OSBPL8: variants seen among roughly 807,000 people sequenced by gnomAD.
OSBPL8 encodes oxysterol-binding protein-related protein 8.
In OSBPL8, 59 loss-of-function variants were observed where a neutral mutation model predicts 125.5. The observed-to-expected ratio is 0.47, with a 90% CI of 0.38 to 0.58. The LOEUF is 0.58. Ranked by LOEUF, OSBPL8 falls within the 20% of genes least tolerant of loss-of-function variation. The pLI, the probability that OSBPL8 is intolerant of heterozygous loss-of-function variation, is 0.00. For synonymous variants in OSBPL8, 330 were observed against 338.9 expected (o/e 0.97, Z 0.29); for missense variants, 758 against 1,047.8 (o/e 0.72, Z 3.82).
At chr12:76,517,171 C>T (rs1177855054) in intron 1 of OSBPL8, among the ~76,000 whole-genome samples, 2 of 152,114 alleles carry the variant, frequency 1.3e-5, no homozygotes, top group Non-Finnish European at 1.5e-5. Flanking sequence ...TGTGATGACA[C>T]ACCAAACTCC....
chr12:76,489,428 G>A (rs1168704274), intron 1 of OSBPL8, among the ~76,000 whole-genome samples: 1 of 152,204 alleles, frequency 6.6e-6, no homozygotes, highest in Non-Finnish European at 1.5e-5. Flanking sequence ...AGGGGCTAAT[G>A]CAGCTGGTGG....
intron 2 of OSBPL8, among the ~76,000 whole-genome samples, chr12:76,480,223 T>C (rs1877326829): frequency 1.3e-5 from 2 of 150,106 alleles, no homozygotes; most frequent in African/African-American, 4.9e-5. Flanking sequence ...GTGTAGGCAC[T>C]GAATAATTAT....
rs1349024061 is a variant in OSBPL8, at chr12:76,353,564, A to G, written c.*2325T>C. Reference sequence around the variant, plus strand: ...AAGGAAGATTAATTTCAGGTAAATAACATTCAAAGTCAATTACATATATGG... The same window carrying G: ...AAGGAAGATTAATTTCAGGTAAATAGCATTCAAAGTCAATTACATATATGG... On this transcript the variant is annotated 3_prime_UTR_variant, in exon 24 of 24. Transcript: ENST00000261183. 6.6e-6 allele frequency: 1 copy of G among 152,360 alleles called. No individual in the cohort carries two copies. The highest frequency in any genetic ancestry group is 6.6e-5 in the Admixed American group (1 of 15,262). 9.4% of individuals were successfully genotyped at this position (152,360 alleles called of 1,614,324 possible).
At chr12:76,401,156 C>G (rs1916730) in intron 6 of OSBPL8, among the ~76,000 whole-genome samples, 33,342 of 151,966 alleles carry the variant, frequency 0.22, 3,892 homozygotes, top group Non-Finnish European at 0.27. Context: ...AAAGCTAGAA[C>G]CCATTTTTAT....
At chr12:76,431,409 C>A (rs1870807531) in intron 4 of OSBPL8, among the ~76,000 whole-genome samples, 1 of 151,624 alleles carries the variant, frequency 6.6e-6, no homozygotes, top group Admixed American at 6.6e-5. Context: ...AGAATAAGTT[C>A]TTACTTATCA....
intron 4 of OSBPL8, chr12:76,422,884 A>G: frequency 4.6e-6 from 1 of 216,530 alleles, no homozygotes; most frequent in Admixed American, 4.9e-5. Context: ...TTTTAAAAAA[A>G]GGAACTGATA....
intron 1 of OSBPL8, among the ~76,000 whole-genome samples, chr12:76,540,190 C>T (rs901875533): frequency 2.6e-5 from 4 of 152,106 alleles, no homozygotes; most frequent in African/African-American, 9.7e-5. Context: ...CATTCCTTAA[C>T]AGCATTCTAG....
chr12:76,457,636 GATT>G (rs1208302470), intron 3 of OSBPL8, among the ~76,000 whole-genome samples: 1 of 152,092 alleles, frequency 6.6e-6, no homozygotes, highest in Non-Finnish European at 1.5e-5. Flanking sequence ...TCTAACAAAT[GATT>G]ATACAGACCC....
intron 2 of OSBPL8, among the ~76,000 whole-genome samples, chr12:76,467,659 G>T (rs1479938441): frequency 6.6e-6 from 1 of 151,612 alleles, no homozygotes; most frequent in Non-Finnish European, 1.5e-5. Flanking sequence ...TTCACATTCA[G>T]TCTTTTTTTT....
At chr12:76,453,374 G>T (rs1873649064) in intron 3 of OSBPL8, among the ~76,000 whole-genome samples, 1 of 152,132 alleles carries the variant, frequency 6.6e-6, no homozygotes, top group African/African-American at 2.4e-5. Context: ...AATTTTAAAT[G>T]TATGGTACTG....
intron 12 of OSBPL8, among the ~76,000 whole-genome samples, chr12:76,387,623 T>G (rs888643090): frequency 6.6e-6 from 1 of 152,192 alleles, no homozygotes; most frequent in East Asian, 1.9e-4. Context: ...GTAGCTACTA[T>G]GCCCTTATTT....
At chr12:76,472,925 C>A (rs1165453271) in intron 2 of OSBPL8, among the ~76,000 whole-genome samples, 1 of 151,996 alleles carries the variant, frequency 6.6e-6, no homozygotes, top group Non-Finnish European at 1.5e-5. Flanking sequence ...TCTCTAAACT[C>A]CCCCGGGGAA....
At chr12:76,469,892 TAAAGACAAGA>T (rs1875924968) in intron 2 of OSBPL8, among the ~76,000 whole-genome samples, 2 of 150,768 alleles carry the variant, frequency 1.3e-5, no homozygotes, top group Non-Finnish European at 3.0e-5. Context: ...ACTGAATGAA[TAAAGACAAGA>T]AAAGAAAAAA....
At chr12:76,413,585 C>G (rs770195446) in intron 4 of OSBPL8, among the ~76,000 whole-genome samples, 2 of 152,162 alleles carry the variant, frequency 1.3e-5, no homozygotes, top group African/African-American at 4.8e-5. Flanking sequence ...TGCAAAAGTT[C>G]TCTTTTCTCC....
At chr12:76,533,196 T>C (rs1950397157) in intron 1 of OSBPL8, among the ~76,000 whole-genome samples, 1 of 152,238 alleles carries the variant, frequency 6.6e-6, no homozygotes, top group African/African-American at 2.4e-5. Flanking sequence ...TATTCATTTA[T>C]GTGTTTCTTG....
At chr12:76,363,889 C>G (rs567017982) in intron 21 of OSBPL8, among the ~76,000 whole-genome samples, 2 of 152,228 alleles carry the variant, frequency 1.3e-5, no homozygotes, top group South Asian at 4.2e-4. Context: ...ATGCAGCCAA[C>G]AAACACATGA....
intron 4 of OSBPL8, among the ~76,000 whole-genome samples, chr12:76,415,947 T>C (rs1868604385): frequency 1.3e-5 from 2 of 152,102 alleles, no homozygotes; most frequent in Non-Finnish European, 2.9e-5. Flanking sequence ...ATTATAGTCT[T>C]TTTTTCTTTT....
intron 4 of OSBPL8, among the ~76,000 whole-genome samples, chr12:76,422,181 T>C (rs923250126): frequency 6.6e-6 from 1 of 152,126 alleles, no homozygotes; most frequent in African/African-American, 2.4e-5. Flanking sequence ...GAGCAATGTG[T>C]TTATTTATAT....
At chr12:76,553,095 CA>C (rs2137519022) in intron 1 of OSBPL8, among the ~76,000 whole-genome samples, 1 of 152,214 alleles carries the variant, frequency 6.6e-6, no homozygotes, top group East Asian at 1.9e-4. Context: ...CCCTCACATC[CA>C]AAGCACCCCA....
Sources: gnomAD v4.1 joint callset for allele counts (sites outside exome capture counted in the v4.1 genomes callset) on GRCh38, gnomAD v4.1.1 for gene constraint, MANE v1.5 for transcripts, NCBI Gene and HGNC (gene_info 2026-07-23, HGNC 2026-07-21) for gene names.